The following ABHD2 variants were observed in gnomAD, a reference collection of about 807,000 sequenced individuals.
ABHD2 encodes the protein monoacylglycerol lipase ABHD2.
A neutral mutation model predicts 48.1 loss-of-function variants in ABHD2; 20 were observed. The ratio of observed to expected loss-of-function variants is 0.42; its 90% CI spans 0.29 to 0.60. The LOEUF is 0.60. Among genes scored for constraint, ABHD2 ranks in the 20% least tolerant of loss-of-function variants. ABHD2 has a pLI of 0.24. For missense variants in ABHD2, 405 were observed against 550.9 expected (o/e 0.74, Z 2.65); for synonymous variants, 209 against 214.2 (o/e 0.98, Z 0.21).
the ABHD2 span, among the ~76,000 whole-genome samples, chr15:89,068,000 C>T: frequency 8.5e-3 from 1,296 of 152,304 alleles, 12 homozygotes; most frequent in South Asian, 0.02. Flanking sequence ...CCTTCCTCTT[C>T]TTTACCATAG....
intron 3 of ABHD2, among the ~76,000 whole-genome samples, chr15:89,131,985 G>C (rs1365439669): frequency 2.0e-5 from 3 of 152,162 alleles, no homozygotes; most frequent in Non-Finnish European, 4.4e-5. Context: ...CATCTCTCAG[G>C]GGCAGGAGTC....
chr15:89,153,615 G>A (rs920701544), intron 4 of ABHD2, among the ~76,000 whole-genome samples: 7 of 152,148 alleles, frequency 4.6e-5, no homozygotes, highest in African/African-American at 1.7e-4. Context: ...TGACAAAGGT[G>A]CTTCTAGGGA....
At chr15:89,126,722 C>T (rs1425765356) in intron 3 of ABHD2, among the ~76,000 whole-genome samples, 4 of 152,156 alleles carry the variant, frequency 2.6e-5, no homozygotes, top group Middle Eastern at 3.2e-3. Flanking sequence ...CAGTGTCATG[C>T]AGTGATGTGG....
rs1389980205 is a variant in ABHD2 at position 89,182,193 on chromosome 15, G to A, written c.723-3231G>A. On this transcript the variant is annotated intron_variant, in intron 6 of 10. Transcript: ENST00000352732. The surrounding 1 kb of genome is among the most constrained non-coding windows in gnomAD (Gnocchi z 4.8). Reference sequence around the variant, plus strand: ...GGGTTAATTTTCTCTTCTCATTTGTGATTATCACTTCTTGAGAGTTTTGCA... The same window carrying A: ...GGGTTAATTTTCTCTTCTCATTTGTAATTATCACTTCTTGAGAGTTTTGCA... Among the ~76,000 whole-genome samples the A allele has an allele frequency of 6.6e-6, 1 of 152,154 alleles. No individual in the cohort carries two copies. The highest frequency in any genetic ancestry group is 6.5e-5 in the Admixed American group (1 of 15,288).
Position 89,176,632 on chromosome 15 carries a change from G to A in ABHD2, c.722+637G>A, listed in dbSNP as rs998505157. On this transcript the variant is annotated intron_variant, in intron 6 of 10. Coordinates refer to ENST00000352732, the MANE Select transcript of ABHD2 (RefSeq NM_152924.5). This position sits in a 1 kb window ranked among gnomAD's most constrained non-coding sequence, Gnocchi z 4.5. ...CCCGATTCCCCTGAAGATCACTGCT[G>A]TCCCAGGTCTCTCAAGAGTCACCAC... is the stretch of plus-strand genomic sequence containing the variant. 1.4e-4 allele frequency among the ~76,000 whole-genome samples: 22 copies of A among 152,200 alleles called. No individual in the cohort carries two copies. Among genetic ancestry groups the A allele is most frequent in the African/African-American group, 5.3e-4 (22 of 41,524 alleles).
At chr15:89,063,075 C>T in the ABHD2 span, among the ~76,000 whole-genome samples, 1 of 150,644 alleles carries the variant, frequency 6.6e-6, no homozygotes, top group African/African-American at 2.4e-5. Flanking sequence ...TCAGGTGACT[C>T]TCGTGCCTCA....
At chr15:89,117,316 G>GCACC (rs1312208308) in intron 3 of ABHD2, among the ~76,000 whole-genome samples, 2 of 152,212 alleles carry the variant, frequency 1.3e-5, no homozygotes, top group Non-Finnish European at 2.9e-5. Flanking sequence ...ATGAGCCACT[G>GCACC]CACCTTCCTC....
the ABHD2 span, among the ~76,000 whole-genome samples, chr15:89,054,379 C>T: frequency 6.6e-6 from 1 of 151,642 alleles, no homozygotes; most frequent in African/African-American, 2.4e-5. Context: ...AAAATGTATG[C>T]ATGTCAGAAA....
At chr15:89,103,106 G>A (rs1487685188) in intron 1 of ABHD2, among the ~76,000 whole-genome samples, 3 of 152,192 alleles carry the variant, frequency 2.0e-5, no homozygotes, top group Admixed American at 6.5e-5. Flanking sequence ...GCTTCCTTTC[G>A]AGTTTTTAGT....
chr15:89,201,515 C>A lies in ABHD2; in HGVS notation c.*6092C>A. 1.3e-6 allele frequency: 2 copies of A among 1,592,816 alleles called. No homozygotes were observed. Among genetic ancestry groups the A allele is most frequent in the Non-Finnish European group, 1.7e-6 (2 of 1,161,038 alleles). ...GTGTTTAGTGGAGCAAAAATTGTAC[C>A]ATAAACTTGTGTTTACTCTTTTCAT... On this transcript the variant is annotated 3_prime_UTR_variant, in exon 11 of 11. Transcript: ENST00000352732.
At chr15:89,090,243 T>C (rs923974167) in intron 1 of ABHD2, 1 of 152,196 alleles carries the variant, frequency 6.6e-6, no homozygotes, top group Non-Finnish European at 1.5e-5. Flanking sequence ...GGCAAGCTAC[T>C]TAACTTCTCT....
the ABHD2 span, among the ~76,000 whole-genome samples, chr15:89,063,846 A>C: frequency 1.3e-5 from 2 of 152,090 alleles, no homozygotes; most frequent in Non-Finnish European, 2.9e-5. Context: ...TTCCACGGAC[A>C]GGGTGGGTAG....
At chr15:89,135,860 G>C (rs2050300805) in intron 3 of ABHD2, 2 of 702,420 alleles carry the variant, frequency 2.8e-6, no homozygotes, top group East Asian at 2.5e-5. Flanking sequence ...GAACAGAACA[G>C]AACAGGACAG....
At chr15:89,047,307 T>C in the ABHD2 span, among the ~76,000 whole-genome samples, 1 of 150,584 alleles carries the variant, frequency 6.6e-6, no homozygotes, top group East Asian at 1.9e-4. Context: ...GAGGAGAGCT[T>C]TACTTCCAAG....
chr15:89,162,112 C>G (rs1343047913), intron 5 of ABHD2, among the ~76,000 whole-genome samples: 1 of 152,122 alleles, frequency 6.6e-6, no homozygotes, highest in African/African-American at 2.4e-5. Context: ...AGCCTTATCT[C>G]CAAATATAGT....
chr15:89,127,485 C>G (rs1049533998), intron 3 of ABHD2, among the ~76,000 whole-genome samples: 2 of 151,868 alleles, frequency 1.3e-5, no homozygotes, highest in Admixed American at 6.6e-5. Flanking sequence ...ACCTGACTTT[C>G]CTGTGATATG....
intron 4 of ABHD2, among the ~76,000 whole-genome samples, chr15:89,153,768 G>T (rs183768137): frequency 1.3e-3 from 197 of 152,112 alleles, no homozygotes; most frequent in African/African-American, 4.4e-3. Flanking sequence ...CCATAATTTT[G>T]TCACCCAACA....
the ABHD2 span, among the ~76,000 whole-genome samples, chr15:89,073,878 T>G: frequency 6.6e-6 from 1 of 152,328 alleles, no homozygotes. Flanking sequence ...CCAGCGTTTT[T>G]TACTTAGTAG....
rs145289422 is a variant in ABHD2 at position 89,175,819 on chromosome 15, G to T, written c.546G>T (p.Thr182=). 3.3e-5 allele frequency: 53 copies of T among 1,613,938 alleles called. No homozygotes were observed. Among genetic ancestry groups the T allele is most frequent in the Non-Finnish European group, 4.1e-5 (48 of 1,179,984 alleles). ...TSPRMFTYGC[T]WEFGAMVNYI... ...TCACCCTTTTGCCCACAGGCTGCAC[G>T]TGGGAATTTGGAGCCATGGTGAACT... Residue 182 remains threonine, a synonymous_variant, in exon 6 of 11, where the codon ACG becomes ACT. Coordinates refer to ENST00000352732, the MANE Select transcript of ABHD2 (RefSeq NM_152924.5). The surrounding 1 kb of genome is among the most constrained non-coding windows in gnomAD (Gnocchi z 5.7).
Sources: gnomAD v4.1 joint callset for allele counts (sites outside exome capture counted in the v4.1 genomes callset) on GRCh38, gnomAD v4.1.1 for gene constraint, Gnocchi (gnomAD v3.1) non-coding constraint, MANE v1.5 for transcripts, NCBI Gene and HGNC (gene_info 2026-07-23, HGNC 2026-07-21) for gene names.